CSMD2: variants seen among roughly 807,000 people sequenced by gnomAD.
CSMD2 encodes CUB and sushi domain-containing protein 2.
A neutral mutation model predicts 398.5 loss-of-function variants in CSMD2; 130 were observed. The observed-to-expected ratio is 0.33, with a 90% CI of 0.28 to 0.38. CSMD2 has a LOEUF of 0.38. Among genes scored for constraint, CSMD2 ranks in the 10% least tolerant of loss-of-function variants. The pLI is 1.00. For missense variants in CSMD2, 3,829 were observed against 4,764.9 expected (o/e 0.80, Z 5.78); for synonymous variants, 1,828 against 1,908.5 (o/e 0.96, Z 1.10).
chr1:33,788,462 C>T (rs909654545), intron 12 of CSMD2, 138 bp downstream of exon 12: 21 of 587,056 alleles, frequency 3.6e-5, no homozygotes, highest in South Asian at 8.1e-5. Flanking sequence ...GAGCTAAGAT[C>T]GTGCCACGGC....
intron 20 of CSMD2, among the ~76,000 whole-genome samples, chr1:33,715,404 T>TA (rs1481721839): frequency 1.3e-5 from 2 of 152,250 alleles, no homozygotes; most frequent in Non-Finnish European, 2.9e-5. Flanking sequence ...CTGGGGCCTC[T>TA]AGTGACAGCA....
In CSMD2 at chr1:33,633,906, G is replaced by A. The variant is rs1331699553; in HGVS notation, c.5087-371C>T. On this transcript the variant is annotated intron_variant, in intron 31 of 70. Transcript: ENST00000373381. The surrounding 1 kb of genome is among the most constrained non-coding windows in gnomAD (Gnocchi z 5.0). Reference sequence around the variant, plus strand: ...GGGTACCATCCCTCATTCTCCATGCGATGTCAGGACCCCACATTCATGCGT... The same window carrying A: ...GGGTACCATCCCTCATTCTCCATGCAATGTCAGGACCCCACATTCATGCGT... Among the ~76,000 whole-genome samples the A allele has an allele frequency of 6.6e-6, 1 of 152,164 alleles. No individual in the cohort carries two copies. The highest frequency in any genetic ancestry group is 1.5e-5 in the Non-Finnish European group (1 of 68,016).
At position 34,135,339 on chromosome 1, in the gene CSMD2, A is replaced by G. The variant is rs115079547; in HGVS notation, c.187+29572T>C. ...TAGCCCAAAACTAGAAAAAGCCTAAATAATAAAGAACTGATTGACTCCTGT... is the reference window on the plus strand; with the variant it reads ...TAGCCCAAAACTAGAAAAAGCCTAAGTAATAAAGAACTGATTGACTCCTGT... On this transcript the variant is annotated intron_variant, in intron 1 of 70. Coordinates refer to ENST00000373381, the MANE Select transcript of CSMD2 (RefSeq NM_001281956.2). Among the ~76,000 whole-genome samples the G allele has an allele frequency of 9.7e-3, 1,479 of 152,080 alleles. 22 individuals carry two copies. The highest frequency in any genetic ancestry group is 0.034 in the African/African-American group (1,422 of 41,444).
Position 33,516,028 on chromosome 1 carries a change from C to T in CSMD2, c.*596G>A, listed in dbSNP as rs895697234. 1 of 152,222 alleles carries T rather than the reference C, an allele frequency of 6.6e-6. No homozygotes were observed. Among genetic ancestry groups the T allele is most frequent in the African/African-American group, 2.4e-5 (1 of 41,456 alleles). The allele number at this position is 152,222 out of a possible 1,614,324, so 9.4% of individuals were successfully genotyped here. Reference sequence around the variant, plus strand: ...GCCGCTGTGCAGATGGGCCGTTCATCAGCAGACAGCTGGTTTCTGCACGCT... The same window carrying T: ...GCCGCTGTGCAGATGGGCCGTTCATTAGCAGACAGCTGGTTTCTGCACGCT... On this transcript the variant is annotated 3_prime_UTR_variant, in exon 71 of 71. Coordinates refer to ENST00000373381, the MANE Select transcript of CSMD2 (RefSeq NM_001281956.2).
chr1:34,088,068 G>A (rs1658116651), intron 2 of CSMD2, among the ~76,000 whole-genome samples: 1 of 152,210 alleles, frequency 6.6e-6, no homozygotes, highest in South Asian at 2.1e-4. Flanking sequence ...CAGTAAATGT[G>A]TGTGTGACCC....
intron 37 of CSMD2, among the ~76,000 whole-genome samples, chr1:33,618,722 G>A (rs1434457747): frequency 6.6e-6 from 1 of 152,004 alleles, no homozygotes; most frequent in East Asian, 1.9e-4. Flanking sequence ...GGGCCCATTG[G>A]TGAGGGTATC....
At chr1:33,932,568 C>G (rs1644348300) in intron 4 of CSMD2, among the ~76,000 whole-genome samples, 2 of 152,150 alleles carry the variant, frequency 1.3e-5, no homozygotes, top group Admixed American at 6.5e-5. Context: ...CCACCCTGCT[C>G]CTTCCCTCGG....
At chr1:34,082,188 G>A (rs1241566099) in intron 2 of CSMD2, among the ~76,000 whole-genome samples, 4 of 141,898 alleles carry the variant, frequency 2.8e-5, no homozygotes, top group African/African-American at 8.0e-5. Context: ...GGTGAGGAGC[G>A]TCTCTACCCG....
intron 3 of CSMD2, among the ~76,000 whole-genome samples, chr1:33,959,017 C>G (rs972067160): frequency 2.0e-5 from 3 of 152,178 alleles, no homozygotes; most frequent in African/African-American, 7.2e-5. Context: ...TGACCTGTGA[C>G]CTTCCCACAC....
intron 4 of CSMD2, 115 bp downstream of exon 4, chr1:33,935,645 A>G (rs1644454658): frequency 3.6e-6 from 4 of 1,116,708 alleles, no homozygotes; most frequent in Admixed American, 5.8e-5. Flanking sequence ...AGACTTGGGT[A>G]CCCCCCTCCC....
Position 33,537,079 on chromosome 1 carries a change from C to T in CSMD2, c.9822G>A (p.Thr3274=), listed in dbSNP as rs61801993. The T allele has an allele frequency of 3.2e-5, 51 of 1,614,040 alleles. No homozygotes were observed. The highest frequency in any genetic ancestry group is 6.7e-5 in the Admixed American group (4 of 60,010). Residue 3274 remains threonine (T), a synonymous_variant, in exon 62 of 71, where the codon ACG becomes ACA. Transcript: ENST00000373381. This position sits in a 1 kb window ranked among gnomAD's most constrained non-coding sequence, Gnocchi z 4.6. ...QPSCIDPTLT[T]CADPGVPQFG... The stretch of plus-strand genomic sequence containing the variant: ...ACTGTGGCACACCAGGGTCCGCACA[C>T]GTGGTCAGGGTCGGATCTGGATGGC...
chr1:34,069,632 C>T (rs1444402408), intron 2 of CSMD2, among the ~76,000 whole-genome samples: 1 of 152,158 alleles, frequency 6.6e-6, no homozygotes, highest in African/African-American at 2.4e-5. Context: ...CTCTTTCTCT[C>T]CTGACCCTCC....
intron 2 of CSMD2, among the ~76,000 whole-genome samples, chr1:34,085,508 C>T (rs549287733): frequency 1.8e-4 from 28 of 152,138 alleles, no homozygotes; most frequent in Middle Eastern, 3.4e-3. Context: ...TTTGACAGCA[C>T]AATCAGAATT....
chr1:34,131,280 T>A (rs921103443), intron 1 of CSMD2, among the ~76,000 whole-genome samples: 1 of 152,204 alleles, frequency 6.6e-6, no homozygotes, highest in Non-Finnish European at 1.5e-5. Flanking sequence ...GTGAAAGTAC[T>A]AGACAAGAAT....
At chr1:33,565,565 G>A (rs1045292593) in intron 53 of CSMD2, among the ~76,000 whole-genome samples, 2 of 151,878 alleles carry the variant, frequency 1.3e-5, no homozygotes, top group African/African-American at 4.8e-5. Flanking sequence ...TGACAGAAGA[G>A]GGTACTACTA....
intron 4 of CSMD2, among the ~76,000 whole-genome samples, chr1:33,930,569 C>T (rs947588073): frequency 1.1e-4 from 16 of 152,350 alleles, no homozygotes; most frequent in Admixed American, 5.2e-4. Flanking sequence ...TTTCTCCCTA[C>T]CACCTGCCTC....
intron 5 of CSMD2, among the ~76,000 whole-genome samples, chr1:33,867,597 A>G (rs1640134240): frequency 6.6e-6 from 1 of 152,256 alleles, no homozygotes; most frequent in African/African-American, 2.4e-5. Context: ...CCTCTTCCTT[A>G]TAATTCTAGA....
chr1:34,119,493 A>G (rs953348096), intron 1 of CSMD2, among the ~76,000 whole-genome samples: 1 of 152,044 alleles, frequency 6.6e-6, no homozygotes, highest in African/African-American at 2.4e-5. Context: ...AACCTAAGAA[A>G]TGGGAGAAAA....
At chr1:34,159,165 C>A (rs981814009) in intron 1 of CSMD2, among the ~76,000 whole-genome samples, 1 of 152,186 alleles carries the variant, frequency 6.6e-6, no homozygotes, top group African/African-American at 2.4e-5. Flanking sequence ...AGTTCACAGT[C>A]CTTTAGGGAA....
Sources: allele counts gnomAD v4.1 joint callset (sites outside exome capture counted in the v4.1 genomes callset), GRCh38; gene constraint gnomAD v4.1.1; non-coding constraint Gnocchi (gnomAD v3.1); transcripts MANE v1.5; gene names NCBI Gene and HGNC (gene_info 2026-07-23, HGNC 2026-07-21).